The following TOM1L1 variants were observed in gnomAD, a reference collection of about 807,000 sequenced individuals.
The protein encoded by TOM1L1 is TOM1-like protein 1.
Under a neutral mutation model 63.4 loss-of-function variants are expected in TOM1L1, and 64 were observed. The ratio of observed to expected loss-of-function variants is 1.01; its 90% confidence interval spans 0.83 to 1.24. TOM1L1 has a LOEUF of 1.24. Ranked by LOEUF, TOM1L1 falls within the 50% of genes most tolerant of loss-of-function variation. TOM1L1 has a pLI of 0.00. For synonymous variants in TOM1L1, 166 were observed against 194.4 expected, an observed-to-expected ratio of 0.85 and a Z score of 1.22; for missense variants, 536 against 567.0, an observed-to-expected ratio of 0.95 and a Z score of 0.55.
intron 7 of TOM1L1, among the ~76,000 whole-genome samples, chr17:54,918,619 T>A (rs187669123): frequency 6.6e-6 from 1 of 152,262 alleles, no homozygotes; most frequent in East Asian, 1.9e-4. Flanking sequence ...CAGGTCAGAT[T>A]TTAGAAAAAT....
rs1312517049 is a variant in TOM1L1, at chr17:54,961,522, C to G, written c.*289C>G. ...AGGCCAACCAATTTAACTGCAGTGT[C>G]ATGTTTCACAGGCCTTCCTACATTT... On this transcript the variant is annotated 3_prime_UTR_variant, in exon 16 of 16. Coordinates refer to ENST00000575882, the MANE Select transcript of TOM1L1 (RefSeq NM_005486.3). The G allele has an allele frequency of 1.4e-6, 2 of 1,401,718 alleles. No homozygotes were observed. The highest frequency in any genetic ancestry group is 1.8e-6 in the Non-Finnish European group (2 of 1,081,396). 86.8% of individuals were successfully genotyped at this position (1,401,718 alleles called of 1,614,324 possible). A position where few individuals can be genotyped will look rare whatever the true frequency, so the allele number is the denominator to read the frequency against.
intron 14 of TOM1L1, 127 bp from the exon 15 acceptor site, chr17:54,960,439 T>C: frequency 1.5e-6 from 1 of 682,156 alleles, no homozygotes; most frequent in South Asian, 1.7e-5. Context: ...CAGAGACTTA[T>C]TTTTACTCAT....
Position 54,905,532 on chromosome 17 carries a change from A to G in TOM1L1, c.187A>G (p.Asn63Asp), listed in dbSNP as rs768725919. Residue 63 changes from asparagine to aspartate, a missense_variant, in exon 3 of 16, where the codon AAC becomes GAC. Physicochemically the swap from Asn to Asp is conservative, Grantham distance 23. Transcript: ENST00000575882. ...AGCTTTGAAGAAAAGGATTTCCAAAAACTACAATCATAAAGAAATCCAACT... is the reference window on the plus strand; with the variant it reads ...AGCTTTGAAGAAAAGGATTTCCAAAGACTACAATCATAAAGAAATCCAACT... ...VKALKKRISK[N>D]YNHKEIQLTL... 19 of 1,612,032 alleles carry G rather than the reference A, an allele frequency of 1.2e-5. No individual in the cohort carries two copies. Among genetic ancestry groups the G allele is most frequent in the Non-Finnish European group, 1.4e-5 (17 of 1,178,834 alleles).
intron 12 of TOM1L1, among the ~76,000 whole-genome samples, chr17:54,948,988 T>G (rs937023827): frequency 3.9e-5 from 6 of 152,218 alleles, no homozygotes; most frequent in African/African-American, 9.6e-5. Flanking sequence ...TTTCACAGTT[T>G]CTATGGGAAA....
intron 11 of TOM1L1, among the ~76,000 whole-genome samples, chr17:54,940,299 T>G (rs1190524374): frequency 1.3e-5 from 2 of 152,218 alleles, no homozygotes; most frequent in African/African-American, 4.8e-5. Flanking sequence ...AATTAAAGTC[T>G]AATAAGAAAT....
chr17:54,913,124 C>T (rs1158099664), intron 4 of TOM1L1, among the ~76,000 whole-genome samples: 1 of 152,122 alleles, frequency 6.6e-6, no homozygotes. Flanking sequence ...TTCAAGGTTA[C>T]TTGGAAAAAG....
At chr17:54,924,115 C>T (rs371759581) in intron 7 of TOM1L1, among the ~76,000 whole-genome samples, 100 of 152,270 alleles carry the variant, frequency 6.6e-4, no homozygotes, top group African/African-American at 2.3e-3. Flanking sequence ...GAGCCCTTCT[C>T]GGTCGTCTTT....
At chr17:54,911,413 T>C (rs2143763910) in intron 3 of TOM1L1, among the ~76,000 whole-genome samples, 1 of 152,290 alleles carries the variant, frequency 6.6e-6, no homozygotes, top group South Asian at 2.1e-4. Context: ...TCTTGAACTA[T>C]AGCTGTGTGT....
At chr17:54,901,434 A>T (rs1163788933) in intron 1 of TOM1L1, among the ~76,000 whole-genome samples, 1 of 152,144 alleles carries the variant, frequency 6.6e-6, no homozygotes, top group Non-Finnish European at 1.5e-5. Flanking sequence ...GTAAACAAAG[A>T]GAATGAAAAT....
chr17:54,916,243 T>C (rs2048587067), intron 7 of TOM1L1: 1 of 269,236 alleles, frequency 3.7e-6, no homozygotes, highest in South Asian at 1.3e-4. Context: ...TAAGAGTTTA[T>C]GCCTAATGAG....
At chr17:54,944,742 T>C (rs2143935468) in intron 11 of TOM1L1, among the ~76,000 whole-genome samples, 1 of 152,368 alleles carries the variant, frequency 6.6e-6, no homozygotes, top group Middle Eastern at 3.4e-3. Flanking sequence ...CTAGCCTAAA[T>C]GGTTTCTAGT....
chr17:54,956,647 G>A (rs548514680), intron 14 of TOM1L1: 1 of 152,176 alleles, frequency 6.6e-6, no homozygotes, highest in Admixed American at 6.6e-5. Flanking sequence ...GGGGGTCTGT[G>A]TTGCCCAGGC....
At chr17:54,907,152 C>CT (rs1370191351) in intron 3 of TOM1L1, among the ~76,000 whole-genome samples, 4 of 108,850 alleles carry the variant, frequency 3.7e-5, no homozygotes, top group East Asian at 4.3e-4. Context: ...TCCCCCTTCA[C>CT]CTTTTTTTTT....
chr17:54,950,393 T>C (rs1312120578), intron 14 of TOM1L1, among the ~76,000 whole-genome samples: 1 of 152,210 alleles, frequency 6.6e-6, no homozygotes, highest in East Asian at 1.9e-4. Context: ...CATAGATCCC[T>C]TGGCAGAAAG....
chr17:54,945,570 T>G (rs1179027039), intron 11 of TOM1L1, among the ~76,000 whole-genome samples: 3 of 152,210 alleles, frequency 2.0e-5, no homozygotes, highest in Non-Finnish European at 4.4e-5. Flanking sequence ...GTTTTACTCT[T>G]TGCTTCTCTC....
chr17:54,958,748 A>AAAAAAAG lies in TOM1L1; in HGVS notation c.1371-1818_1371-1817insAAAAAAG, dbSNP rs372776781. On this transcript the variant is annotated intron_variant, in intron 14 of 15. Coordinates refer to ENST00000575882, the MANE Select transcript of TOM1L1 (RefSeq NM_005486.3). ...TCCATCTCAAAAAAAAAAAAAAAAA[A>AAAAAAAG]GGGGTTGTTGGTAGCTAGAGGATAC... Among the ~76,000 whole-genome samples, 637 of 118,836 alleles carry AAAAAAAG rather than the reference A, an allele frequency of 5.4e-3. 27 individuals are homozygous for AAAAAAAG. Among genetic ancestry groups the AAAAAAAG allele is most frequent in the African/African-American group, 0.017 (557 of 32,096 alleles). The allele number at this position is 118,836 out of a possible 152,430, so 78.0% of individuals were successfully genotyped here. A position where few individuals can be genotyped will look rare whatever the true frequency, so the allele number is the denominator to read the frequency against.
At chr17:54,907,737 G>A (rs2048435246) in intron 3 of TOM1L1, among the ~76,000 whole-genome samples, 1 of 152,180 alleles carries the variant, frequency 6.6e-6, no homozygotes, top group African/African-American at 2.4e-5. Context: ...TCTCAAGGGT[G>A]CCAAAGGTTA....
At chr17:54,925,073 G>A (rs1208379813) in intron 7 of TOM1L1, among the ~76,000 whole-genome samples, 4 of 152,034 alleles carry the variant, frequency 2.6e-5, no homozygotes, top group African/African-American at 9.7e-5. Context: ...TGCTTTCTAG[G>A]GTATATTAGC....
chr17:54,953,312 T>G (rs117406324), intron 14 of TOM1L1: 1,583 of 152,466 alleles, frequency 0.01, 11 homozygotes, highest in Non-Finnish European at 0.017. Flanking sequence ...GAGGCGGCAG[T>G]GCGCCATGAT....
Sources: allele counts gnomAD v4.1 joint callset (sites outside exome capture counted in the v4.1 genomes callset), GRCh38; gene constraint gnomAD v4.1.1; transcripts MANE v1.5; gene names NCBI Gene and HGNC (gene_info 2026-07-23, HGNC 2026-07-21).